Variants in RYR2 observed in about 807,000 individuals in gnomAD.
RYR2 encodes ryanodine receptor 2, also known as cardiac muscle ryanodine receptor-calcium release channel.
In RYR2, 227 loss-of-function variants were observed where a neutral mutation model predicts 601.1. The ratio of observed to expected loss-of-function variants is 0.38; its 90% CI spans 0.34 to 0.42. The LOEUF (loss-of-function observed/expected upper bound fraction) is 0.42, where lower values mean the gene tolerates loss of function less well. Ranked by LOEUF, RYR2 falls within the 10% of genes least tolerant of loss-of-function variation. RYR2 has a pLI of 1.00. For synonymous variants in RYR2, 2,223 were observed against 2,175.1 expected (o/e 1.02, Z -0.61); for missense variants, 4,646 against 6,156.5 (o/e 0.75, Z 8.21).
intron 24 of RYR2, among the ~76,000 whole-genome samples, chr1:237,514,883 G>C (rs1434158111): frequency 6.6e-6 from 1 of 152,234 alleles, no homozygotes; most frequent in African/African-American, 2.4e-5. Context: ...AGGGAGCATA[G>C]TCTAGGTTTT....
At chr1:237,309,018 T>C (rs1002665498) in intron 2 of RYR2, among the ~76,000 whole-genome samples, 1 of 152,234 alleles carries the variant, frequency 6.6e-6, no homozygotes, top group Non-Finnish European at 1.5e-5. Flanking sequence ...GATTGGTGCA[T>C]TTACAAACCT....
Position 237,233,528 on chromosome 1 carries a change from ACT to A in RYR2, c.49-36966_49-36965del, listed in dbSNP as rs541695648. Among the ~76,000 whole-genome samples the A allele has an allele frequency of 2.7e-4, 41 of 150,698 alleles. No individual in the cohort carries two copies. In the East Asian group the frequency reaches 7.6e-3, roughly 28 times the overall value. On this transcript the variant is annotated intron_variant, in intron 1 of 104. Coordinates refer to ENST00000366574, the MANE Select transcript of RYR2 (RefSeq NM_001035.3). ...GGACCCTTTTTAGGTGACTTTTTAT[ACT>A]CTGTTTTTCTTGAGTGAATTCTGAT...
At chr1:237,440,600 G>A (rs937060161) in intron 12 of RYR2, among the ~76,000 whole-genome samples, 1 of 152,180 alleles carries the variant, frequency 6.6e-6, no homozygotes, top group African/African-American at 2.4e-5. Context: ...CTTCCTAGGA[G>A]AGGAAGCTTG....
At chr1:237,211,068 GCCTGTGC>G (rs1384447447) in intron 1 of RYR2, among the ~76,000 whole-genome samples, 3 of 152,302 alleles carry the variant, frequency 2.0e-5, no homozygotes, top group African/African-American at 7.2e-5. Flanking sequence ...TTCAATCTCA[GCCTGTGC>G]CCTGGATACC....
At chr1:237,103,215 G>T (rs1335080604) in intron 1 of RYR2, among the ~76,000 whole-genome samples, 1 of 152,196 alleles carries the variant, frequency 6.6e-6, no homozygotes, top group Non-Finnish European at 1.5e-5. Flanking sequence ...CTGCTAAGTG[G>T]ACATTATTTT....
In RYR2 at chr1:237,699,803, C is replaced by A. The variant is rs151057823; in HGVS notation, c.9129-426C>A. On this transcript the variant is annotated intron_variant, in intron 64 of 104. Coordinates refer to ENST00000366574, the MANE Select transcript of RYR2 (RefSeq NM_001035.3). ...CATTAGAAAAGACTTGATTGCTACA[C>A]CTTAAAACACAAACATTCTGTATCA... Among the ~76,000 whole-genome samples the A allele has an allele frequency of 1.2e-4, 18 of 152,308 alleles. No individual in the cohort carries two copies. The East Asian group carries it at 3.5e-3, about 29-fold the overall frequency.
intron 1 of RYR2, among the ~76,000 whole-genome samples, chr1:237,075,167 A>C (rs2148354015): frequency 6.6e-6 from 1 of 152,292 alleles, no homozygotes; most frequent in South Asian, 2.1e-4. Flanking sequence ...AGTTCTGCTT[A>C]TGCAGGATTT....
chr1:237,212,399 T>G (rs1057489186), intron 1 of RYR2, among the ~76,000 whole-genome samples: 1 of 152,128 alleles, frequency 6.6e-6, no homozygotes, highest in African/African-American at 2.4e-5. Context: ...CTATTGTAAA[T>G]AATAATACAT....
intron 84 of RYR2, among the ~76,000 whole-genome samples, chr1:237,765,075 T>C (rs1693745421): frequency 1.3e-5 from 2 of 152,068 alleles, no homozygotes; most frequent in South Asian, 4.1e-4. Flanking sequence ...GGAAATGTGT[T>C]AGTTTGTAAT....
At chr1:237,263,451 A>C (rs1159632205) in intron 1 of RYR2, among the ~76,000 whole-genome samples, 6 of 152,212 alleles carry the variant, frequency 3.9e-5, no homozygotes, top group Non-Finnish European at 8.8e-5. Flanking sequence ...AATGGACAGA[A>C]TTGGGTCTAA....
chr1:237,792,366 T>TGTGTGTGTGTGCGC (rs1573969363), intron 94 of RYR2, 43 bp downstream of exon 94: 4 of 805,190 alleles, frequency 5.0e-6, no homozygotes, highest in East Asian at 6.0e-5. Flanking sequence ...TGTGTGTGTG[T>TGTGTGTGTGTGCGC]GTGTGTGTGT....
At chr1:237,601,380 G>T (rs1238357813) in intron 34 of RYR2, among the ~76,000 whole-genome samples, 2 of 152,138 alleles carry the variant, frequency 1.3e-5, no homozygotes, top group Non-Finnish European at 2.9e-5. Flanking sequence ...ATCGAAAAAA[G>T]TTAATGTCAT....
intron 1 of RYR2, among the ~76,000 whole-genome samples, chr1:237,178,416 C>CTG (rs201867544): frequency 0.039 from 4,992 of 129,614 alleles, 94 homozygotes; most frequent in East Asian, 0.084. Flanking sequence ...AGTTAAGGCT[C>CTG]TGTGTGTGTG....
At chr1:237,183,189 T>C (rs1572127178) in intron 1 of RYR2, among the ~76,000 whole-genome samples, 1 of 152,342 alleles carries the variant, frequency 6.6e-6, no homozygotes, top group Admixed American at 6.5e-5. Context: ...TATATCATCC[T>C]AACTTCTTAA....
At chr1:237,379,476 G>A (rs1017195820) in intron 8 of RYR2, among the ~76,000 whole-genome samples, 1 of 152,126 alleles carries the variant, frequency 6.6e-6, no homozygotes, top group African/African-American at 2.4e-5. Flanking sequence ...TGAGATAATG[G>A]ATTTAAATAT....
chr1:237,115,186 C>G (rs556256664), intron 1 of RYR2, among the ~76,000 whole-genome samples: 4 of 152,118 alleles, frequency 2.6e-5, no homozygotes, highest in Admixed American at 6.5e-5. Flanking sequence ...AGAGACCACA[C>G]CCTCCAAGAG....
At chr1:237,062,371 G>A (rs1558165986) in intron 1 of RYR2, among the ~76,000 whole-genome samples, 1 of 152,068 alleles carries the variant, frequency 6.6e-6, no homozygotes, top group Non-Finnish European at 1.5e-5. Flanking sequence ...TATGAACATG[G>A]TATATCTTTC....
At chr1:237,713,962 AT>A (rs1689051318) in intron 71 of RYR2, among the ~76,000 whole-genome samples, 1 of 151,190 alleles carries the variant, frequency 6.6e-6, no homozygotes, top group Non-Finnish European at 1.5e-5. Flanking sequence ...TTGGTAGGCT[AT>A]TTCATTGTGG....
intron 1 of RYR2, among the ~76,000 whole-genome samples, chr1:237,070,600 G>A (rs1033638256): frequency 5.9e-5 from 9 of 152,212 alleles, no homozygotes; most frequent in South Asian, 2.1e-4. Flanking sequence ...CACATGGCCC[G>A]GCAGGCTGTG....
Sources: allele counts gnomAD v4.1 joint callset (sites outside exome capture counted in the v4.1 genomes callset), GRCh38; gene constraint gnomAD v4.1.1; transcripts MANE v1.5; gene names NCBI Gene and HGNC (gene_info 2026-07-23, HGNC 2026-07-21).